MPDZ: variants seen among roughly 807,000 people sequenced by gnomAD.
MPDZ encodes the protein multiple PDZ domain crumbs cell polarity complex component, also known as multiple PDZ domain protein.
Under a neutral mutation model 239.1 loss-of-function variants are expected in MPDZ, and 234 were observed. That is an observed-to-expected ratio of 0.98 (90% CI 0.88 to 1.09). The LOEUF is 1.09. MPDZ is among the 50% of genes least tolerant of loss of function. MPDZ has a pLI of 0.00. For missense variants in MPDZ, 3,175 were observed against 2,510.0 expected (o/e 1.26, Z -5.66); for synonymous variants, 1,048 against 881.3 (o/e 1.19, Z -3.35).
intron 24 of MPDZ, among the ~76,000 whole-genome samples, chr9:13,155,048 CT>C (rs1485860536): frequency 1.3e-5 from 2 of 152,052 alleles, no homozygotes; most frequent in Non-Finnish European, 2.9e-5. Context: ...GAAACCCCAT[CT>C]TTACTAAAAA....
chr9:13,201,336 C>T (rs770463117), intron 12 of MPDZ, among the ~76,000 whole-genome samples: 16 of 151,320 alleles, frequency 1.1e-4, no homozygotes, highest in Non-Finnish European at 2.2e-4. Context: ...TGTTTCTTTT[C>T]TCTTGATGCT....
At chr9:13,255,229 CA>C (rs1969145603) in intron 1 of MPDZ, among the ~76,000 whole-genome samples, 2 of 152,312 alleles carry the variant, frequency 1.3e-5, no homozygotes, top group South Asian at 4.1e-4. Context: ...GTCACATCTT[CA>C]GACTCCATTT....
chr9:13,173,422 G>T (rs1952038837), intron 21 of MPDZ, among the ~76,000 whole-genome samples: 1 of 152,052 alleles, frequency 6.6e-6, no homozygotes, highest in African/African-American at 2.4e-5. Flanking sequence ...TGGTAAGCAG[G>T]CCGGGCAGGG....
intron 32 of MPDZ, among the ~76,000 whole-genome samples, chr9:13,128,749 AACTTTTGC>A (rs1945480467): frequency 6.6e-6 from 1 of 152,192 alleles, no homozygotes; most frequent in Non-Finnish European, 1.5e-5. Flanking sequence ...TGAATCTTGG[AACTTTTGC>A]TCAGAAGGCT....
intron 29 of MPDZ, among the ~76,000 whole-genome samples, chr9:13,137,146 A>C (rs1946943179): frequency 6.6e-6 from 1 of 152,006 alleles, no homozygotes; most frequent in African/African-American, 2.4e-5. Flanking sequence ...TCTGTGGAAA[A>C]ACTTGCGACC....
At chr9:13,225,043 G>T (rs1960105381) in intron 3 of MPDZ, among the ~76,000 whole-genome samples, 1 of 151,992 alleles carries the variant, frequency 6.6e-6, no homozygotes, top group Non-Finnish European at 1.5e-5. Context: ...TAATCATATA[G>T]GCAGGGCAAT....
chr9:13,198,515 A>G (rs1246900036), intron 12 of MPDZ, among the ~76,000 whole-genome samples: 1 of 151,788 alleles, frequency 6.6e-6, no homozygotes, highest in Non-Finnish European at 1.5e-5. Context: ...TAGCTTGAAC[A>G]TATTTTCTCT....
At position 13,223,557 on chromosome 9, in the gene MPDZ, C is replaced by G. The variant is rs762112472; in HGVS notation, c.533+14G>C. 1 of 1,595,308 alleles carries G rather than the reference C, an allele frequency of 6.3e-7. No homozygotes were observed. On this transcript the variant is annotated intron_variant, in intron 5 of 46. Transcript: ENST00000319217. ...GTGGGATCAAAAACAAAGAAGACGC[C>G]GCGACCATCTCACCTATGGGCCACA...
At chr9:13,218,847 C>T (rs567031888) in intron 8 of MPDZ, among the ~76,000 whole-genome samples, 14 of 151,942 alleles carry the variant, frequency 9.2e-5, no homozygotes, top group African/African-American at 3.1e-4. Flanking sequence ...AGTCTTGCGA[C>T]CTGTAAATCT....
Position 13,106,820 on chromosome 9 carries a change from T to A in MPDZ, c.*145A>T. 1 of 837,414 alleles carries A rather than the reference T, an allele frequency of 1.2e-6. No homozygotes were observed. Among genetic ancestry groups the A allele is most frequent in the Non-Finnish European group, 1.8e-6 (1 of 557,636 alleles). The allele number at this position is 837,414 out of a possible 1,614,324, so 51.9% of individuals were successfully genotyped here. ...TGTCAGTAAGGAAAGCATTTCTAGA[T>A]GAGAAAAAGAAACTTAAGTGTTATT... On this transcript the variant is annotated 3_prime_UTR_variant, in exon 47 of 47. Coordinates refer to ENST00000319217, the MANE Select transcript of MPDZ (RefSeq NM_001378778.1).
intron 3 of MPDZ, among the ~76,000 whole-genome samples, chr9:13,230,946 G>A (rs1328476688): frequency 6.6e-6 from 1 of 151,936 alleles, no homozygotes; most frequent in African/African-American, 2.4e-5. Flanking sequence ...CTAAGCATCC[G>A]AATCAAAAAG....
intron 24 of MPDZ, among the ~76,000 whole-genome samples, chr9:13,157,082 T>C (rs892244284): frequency 6.6e-6 from 1 of 152,170 alleles, no homozygotes; most frequent in African/African-American, 2.4e-5. Context: ...TGGCTGCAGG[T>C]TATCACTGGT....
At position 13,168,405 on chromosome 9, in the gene MPDZ, G is replaced by C. The variant is rs774238378; in HGVS notation, c.3215C>G (p.Ala1072Gly). The C allele has an allele frequency of 1.2e-5, 19 of 1,613,404 alleles. No homozygotes were observed. The highest frequency in any genetic ancestry group is 1.6e-5 in the Non-Finnish European group (19 of 1,179,524). The part of the protein sequence containing the change: ...TISVTNAQAR[A>G]MLRRHSLIGP... ...AATGAGAGAATGTCTTCTCAACATA[G>C]CTCGTGCCTGGGCATTGGTTACACT... Residue 1072 changes from alanine (A) to glycine (G), a missense_variant, in exon 22 of 47, where the codon GCT becomes GGT. Transcript: ENST00000319217.
At chr9:13,206,972 C>T (rs1957077409) in intron 10 of MPDZ, among the ~76,000 whole-genome samples, 1 of 152,046 alleles carries the variant, frequency 6.6e-6, no homozygotes, top group Non-Finnish European at 1.5e-5. Context: ...GGCCACTGTG[C>T]CCTACTTCTA....
intron 19 of MPDZ, among the ~76,000 whole-genome samples, chr9:13,177,891 C>T (rs1160175509): frequency 6.6e-6 from 1 of 152,148 alleles, no homozygotes; most frequent in Non-Finnish European, 1.5e-5. Flanking sequence ...TATTTATATT[C>T]TACATCTTTG....
chr9:13,192,884 T>C (rs1449067801), intron 14 of MPDZ, among the ~76,000 whole-genome samples: 1 of 152,208 alleles, frequency 6.6e-6, no homozygotes, highest in African/African-American at 2.4e-5. Context: ...CTGAATGCGT[T>C]ACTTATTCTA....
intron 3 of MPDZ, among the ~76,000 whole-genome samples, chr9:13,232,791 T>C (rs1268234656): frequency 6.7e-6 from 1 of 149,040 alleles, no homozygotes; most frequent in Non-Finnish European, 1.5e-5. Flanking sequence ...AGCAAAGAAG[T>C]TGTATTCAGG....
chr9:13,174,467 A>T (rs1181380309), intron 21 of MPDZ, among the ~76,000 whole-genome samples: 1 of 152,188 alleles, frequency 6.6e-6, no homozygotes, highest in African/African-American at 2.4e-5. Context: ...GGCCAATTAA[A>T]TGTGAAAAAT....
At chr9:13,190,696 T>C (rs1954793173) in intron 15 of MPDZ, among the ~76,000 whole-genome samples, 1 of 152,164 alleles carries the variant, frequency 6.6e-6, no homozygotes, top group South Asian at 2.1e-4. Context: ...AAAATGGATA[T>C]ATGCAAAAGT....
Sources: allele counts gnomAD v4.1 joint callset (sites outside exome capture counted in the v4.1 genomes callset), GRCh38; gene constraint gnomAD v4.1.1; transcripts MANE v1.5; gene names NCBI Gene and HGNC (gene_info 2026-07-23, HGNC 2026-07-21).